ABLIM1: variants seen among roughly 807,000 people sequenced by gnomAD.
ABLIM1 encodes the protein actin-binding LIM protein 1.
A neutral mutation model predicts 107.0 loss-of-function variants in ABLIM1; 40 were observed. The observed-to-expected ratio is 0.37, with a 90% CI of 0.29 to 0.49. The LOEUF (loss-of-function observed/expected upper bound fraction) is 0.49, where lower values mean the gene tolerates loss of function less well. Among genes scored for constraint, ABLIM1 ranks in the 20% least tolerant of loss-of-function variants. ABLIM1 has a pLI of 0.97. For synonymous variants in ABLIM1, 357 were observed against 357.3 expected (o/e 1.00, Z 0.01); for missense variants, 857 against 1,008.5 (o/e 0.85, Z 2.04).
chr10:114,768,006 G>A, intron 1 of ABLIM1: 1 of 422,580 alleles, frequency 2.4e-6, no homozygotes, highest in South Asian at 1.6e-5. Flanking sequence ...CCGCCCTCCC[G>A]CACCTGTTCG....
chr10:114,716,410 A>AAAAAACACAC (rs541504016), intron 1 of ABLIM1, among the ~76,000 whole-genome samples: 89 of 143,622 alleles, frequency 6.2e-4, no homozygotes, highest in African/African-American at 2.2e-3. Context: ...GGTAGAGAGA[A>AAAAAACACAC]ACACACACAC....
chr10:114,741,514 C>T (rs1363314501), intron 1 of ABLIM1, among the ~76,000 whole-genome samples: 2 of 152,006 alleles, frequency 1.3e-5, no homozygotes, highest in Non-Finnish European at 2.9e-5. Flanking sequence ...CGTGAGCCAC[C>T]TCGCCTGGCC....
chr10:114,720,642 T>A (rs1219504411), intron 1 of ABLIM1, among the ~76,000 whole-genome samples: 2 of 152,142 alleles, frequency 1.3e-5, no homozygotes, highest in Non-Finnish European at 2.9e-5. Context: ...CCAGTATCCT[T>A]TGAATCATAA....
the ABLIM1 span, among the ~76,000 whole-genome samples, chr10:114,787,433 G>A: frequency 6.8e-6 from 1 of 146,108 alleles, no homozygotes. Flanking sequence ...CCGGCCAGCC[G>A]CCCCATCCGG....
In ABLIM1 at chr10:114,575,395, TG is replaced by T. The variant is rs1416380375; in HGVS notation, c.563+20del. The T allele has an allele frequency of 6.2e-7, 1 of 1,610,378 alleles. No homozygotes were observed. Among genetic ancestry groups the T allele is most frequent in the African/African-American group, 1.3e-5 (1 of 74,870 alleles). ...CTCTGTTGGAGGAAGGTGTAGGCTT[TG>T]GAAAGATAGGCTCACTTACTTGCAG... On this transcript the variant is annotated intron_variant, in intron 3 of 22. Coordinates refer to ENST00000533213, the MANE Select transcript of ABLIM1 (RefSeq NM_002313.7).
intron 1 of ABLIM1, among the ~76,000 whole-genome samples, chr10:114,751,347 T>A (rs2082506756): frequency 6.6e-6 from 1 of 152,208 alleles, no homozygotes; most frequent in Non-Finnish European, 1.5e-5. Flanking sequence ...GATAGTCTTA[T>A]ATTAAGTCTC....
the ABLIM1 span, among the ~76,000 whole-genome samples, chr10:114,787,303 C>T: frequency 0.048 from 7,318 of 151,850 alleles, 610 homozygotes; most frequent in African/African-American, 0.17. Context: ...GCCCAGCAGC[C>T]GCCCCGTCTG....
intron 8 of ABLIM1, among the ~76,000 whole-genome samples, chr10:114,474,759 C>G (rs764795494): frequency 2.2e-4 from 34 of 152,122 alleles, no homozygotes; most frequent in Admixed American, 1.0e-3. Flanking sequence ...GGCTGTGTCT[C>G]CACCCACGTT....
chr10:114,671,234 A>G (rs1280598623), intron 1 of ABLIM1, among the ~76,000 whole-genome samples: 1 of 152,234 alleles, frequency 6.6e-6, no homozygotes, highest in Non-Finnish European at 1.5e-5. Context: ...CATAATGCCT[A>G]TGTGACTCAT....
At position 114,474,053 on chromosome 10, in the gene ABLIM1, A is replaced by G. The variant is rs1308137028; in HGVS notation, c.1042-97T>C. ...GCTTTACTAAAAACTCAGCTAGTGA[A>G]AAAAAGAAACACTTATCACCTTTTT... On this transcript the variant is annotated intron_variant, in intron 8 of 22. Coordinates refer to ENST00000533213, the MANE Select transcript of ABLIM1 (RefSeq NM_002313.7). 4 of 869,362 alleles carry G rather than the reference A, an allele frequency of 4.6e-6. No homozygotes were observed. In the East Asian group the frequency reaches 7.6e-5, roughly 17 times the overall value. The allele number at this position is 869,362 out of a possible 1,614,324, so 53.9% of individuals were successfully genotyped here. A position where few individuals can be genotyped will look rare whatever the true frequency, so the allele number is the denominator to read the frequency against.
At chr10:114,637,552 G>C (rs573569940) in intron 1 of ABLIM1, among the ~76,000 whole-genome samples, 1 of 152,134 alleles carries the variant, frequency 6.6e-6, no homozygotes, top group Non-Finnish European at 1.5e-5. Flanking sequence ...TTTTATGGTT[G>C]TATCCAAACT....
At chr10:114,577,960 A>G (rs1339726964) in intron 2 of ABLIM1, among the ~76,000 whole-genome samples, 5 of 152,128 alleles carry the variant, frequency 3.3e-5, no homozygotes. Context: ...ACATCATTTC[A>G]GACTCTTCCC....
chr10:114,594,186 C>T (rs1262279084), intron 2 of ABLIM1, among the ~76,000 whole-genome samples: 2 of 152,190 alleles, frequency 1.3e-5, no homozygotes, highest in Non-Finnish European at 2.9e-5. Context: ...AACCCATATC[C>T]AGTCTGTCCC....
rs1373992266 is a variant in ABLIM1 at position 114,434,131 on chromosome 10, G to C, written c.*2129C>G. The C allele has an allele frequency of 6.6e-6, 1 of 152,272 alleles. No homozygotes were observed. The allele number at this position is 152,272 out of a possible 1,614,324, so 9.4% of individuals were successfully genotyped here. On this transcript the variant is annotated 3_prime_UTR_variant, in exon 23 of 23. Transcript: ENST00000533213. ...GCAGGAGGGCACAGAGAGAGGATGG[G>C]ATAGAAAAAGCATGGAATAAGCAAG...
At chr10:114,657,780 C>T (rs114345800) in intron 1 of ABLIM1, among the ~76,000 whole-genome samples, 177 bp downstream of exon 1, 2,526 of 152,238 alleles carry the variant, frequency 0.017, 60 homozygotes, top group African/African-American at 0.058. Context: ...GATTTAGCTC[C>T]GTAGCTACAC....
intron 6 of ABLIM1, among the ~76,000 whole-genome samples, chr10:114,527,840 G>GTTTT (rs34890028): frequency 7.2e-6 from 1 of 138,490 alleles, no homozygotes; most frequent in Non-Finnish European, 1.5e-5. Context: ...AATTTTTAAA[G>GTTTT]TTTTTTTTTT....
chr10:114,578,410 T>G (rs948462160), intron 2 of ABLIM1, among the ~76,000 whole-genome samples: 2 of 79,314 alleles, frequency 2.5e-5, no homozygotes, highest in East Asian at 3.4e-4. Flanking sequence ...TTTTCTGTTG[T>G]TTTTTTTTTT....
chr10:114,632,640 G>A, intron 1 of ABLIM1: 2 of 985,380 alleles, frequency 2.0e-6, no homozygotes, highest in East Asian at 1.1e-4. Context: ...AGACAGCCGG[G>A]GAAGAGGATC....
At chr10:114,523,084 G>C (rs1448244759) in intron 6 of ABLIM1, among the ~76,000 whole-genome samples, 1 of 152,162 alleles carries the variant, frequency 6.6e-6, no homozygotes, top group African/African-American at 2.4e-5. Flanking sequence ...CCAGGAGGTG[G>C]AGGTTGCAGT....
Sources: allele counts gnomAD v4.1 joint callset (sites outside exome capture counted in the v4.1 genomes callset), GRCh38; gene constraint gnomAD v4.1.1; transcripts MANE v1.5; gene names NCBI Gene and HGNC (gene_info 2026-07-23, HGNC 2026-07-21).